The following CAT variants were observed in gnomAD, a reference collection of about 807,000 sequenced individuals.
CAT encodes catalase.
In CAT, 43 loss-of-function variants were observed where a neutral mutation model predicts 59.0. That is an observed-to-expected ratio of 0.73 (90% CI 0.57 to 0.94). The LOEUF (loss-of-function observed/expected upper bound fraction) is 0.94. Among genes scored for constraint, CAT ranks in the 40% least tolerant of loss-of-function variants. The pLI, the probability that CAT is intolerant of heterozygous loss-of-function variation, is 0.00. For synonymous variants in CAT, 218 were observed against 230.9 expected, an observed-to-expected ratio of 0.94 and a Z score of 0.51; for missense variants, 664 against 682.9, an observed-to-expected ratio of 0.97 and a Z score of 0.31.
intron 1 of CAT, among the ~76,000 whole-genome samples, chr11:34,447,961 C>T (rs1856478529): frequency 6.6e-6 from 1 of 152,202 alleles, no homozygotes; most frequent in Non-Finnish European, 1.5e-5. Flanking sequence ...TTGGCCTCTT[C>T]CTACTTGGAT....
intron 11 of CAT, among the ~76,000 whole-genome samples, chr11:34,469,254 G>T (rs1564967800): frequency 6.6e-6 from 1 of 152,184 alleles, no homozygotes; most frequent in Non-Finnish European, 1.5e-5. Context: ...CCCAGAGCCT[G>T]GGTTCCAGTA....
At chr11:34,459,944 G>C (rs1319323728) in intron 8 of CAT, among the ~76,000 whole-genome samples, 2 of 152,214 alleles carry the variant, frequency 1.3e-5, no homozygotes. Context: ...TATTTGAAAT[G>C]ATGATAAGAG....
At chr11:34,440,155 G>T (rs895913961) in intron 1 of CAT, among the ~76,000 whole-genome samples, 3 of 152,274 alleles carry the variant, frequency 2.0e-5, no homozygotes, top group Admixed American at 2.0e-4. Flanking sequence ...TCCCTATTCT[G>T]CCTAGTGCTC....
intron 1 of CAT, among the ~76,000 whole-genome samples, chr11:34,445,866 A>G (rs1856447924): frequency 6.6e-6 from 1 of 152,238 alleles, no homozygotes; most frequent in Non-Finnish European, 1.5e-5. Context: ...AACCTGTGCC[A>G]CAACACTGAC....
At chr11:34,462,740 G>A (rs1856664982) in intron 9 of CAT, among the ~76,000 whole-genome samples, 2 of 152,108 alleles carry the variant, frequency 1.3e-5, no homozygotes, top group Admixed American at 1.3e-4. Flanking sequence ...TAGAGCATTT[G>A]GGCTGTGACC....
intron 4 of CAT, 51 bp downstream of exon 4, chr11:34,452,258 A>G: frequency 1.9e-6 from 3 of 1,573,008 alleles, no homozygotes; most frequent in Non-Finnish European, 2.6e-6. Flanking sequence ...ACTTAAATTG[A>G]TTTCAAATAG....
intron 6 of CAT, among the ~76,000 whole-genome samples, chr11:34,454,661 C>T (rs971406159): frequency 6.6e-6 from 1 of 152,184 alleles, no homozygotes; most frequent in Admixed American, 6.5e-5. Flanking sequence ...ACTATCACCT[C>T]TTTTTATATT....
At chr11:34,445,495 CAAAAAAAAAAAAAAA>C (rs58169234) in intron 1 of CAT, among the ~76,000 whole-genome samples, 1 of 36,340 alleles carries the variant, frequency 2.8e-5, no homozygotes, top group African/African-American at 1.2e-4. Context: ...GACTCCATCT[CAAAAAAAAAAAAAAA>C]AAAAAAAAAA....
chr11:34,451,215 T>A, intron 3 of CAT, 117 bp downstream of exon 3: 2 of 754,212 alleles, frequency 2.7e-6, no homozygotes, highest in Non-Finnish European at 4.9e-6. Context: ...CTCCAAATTA[T>A]GTCAAGGTTT....
intron 10 of CAT, among the ~76,000 whole-genome samples, chr11:34,466,876 A>G (rs1461947171): frequency 6.6e-6 from 1 of 152,070 alleles, no homozygotes; most frequent in Non-Finnish European, 1.5e-5. Context: ...AATGGACATA[A>G]CTAGAAAATG....
intron 11 of CAT, among the ~76,000 whole-genome samples, chr11:34,469,567 G>T (rs1247929223): frequency 1.3e-5 from 2 of 152,024 alleles, no homozygotes; most frequent in Non-Finnish European, 2.9e-5. Context: ...GTAAATCACT[G>T]TAATTTGTTA....
rs1471962684 is a variant in CAT, at chr11:34,452,317, G to A, written c.480+110G>A. 5.0e-6 allele frequency: 5 copies of A among 1,003,242 alleles called. No homozygotes were observed. In the Admixed American group the frequency reaches 5.4e-5, roughly 11 times the overall value. The allele number at this position is 1,003,242 out of a possible 1,614,324, so 62.1% of individuals were successfully genotyped here. On this transcript the variant is annotated intron_variant, in intron 4 of 12. Transcript: ENST00000241052. ...GGGAAAGGCAGAAAGAAAAGAATGC[G>A]AGTTGTCTGGACTACTTTTTTCAAC...
At chr11:34,466,350 C>T (rs1374672528) in intron 10 of CAT, among the ~76,000 whole-genome samples, 1 of 152,154 alleles carries the variant, frequency 6.6e-6, no homozygotes. Flanking sequence ...GCACCTAACA[C>T]ATTAAGACCT....
intron 9 of CAT, 144 bp from the exon 10 acceptor site, chr11:34,463,961 A>G: frequency 2.4e-6 from 2 of 850,500 alleles, no homozygotes; most frequent in Non-Finnish European, 4.0e-6. Flanking sequence ...ATTAAAAATA[A>G]TATGTGTGCG....
chr11:34,462,606 A>G (rs1856663753), intron 9 of CAT, among the ~76,000 whole-genome samples: 2 of 152,090 alleles, frequency 1.3e-5, no homozygotes, highest in Admixed American at 6.5e-5. Flanking sequence ...TATTTTTAGT[A>G]GAGACAGGGT....
chr11:34,445,296 C>T (rs981325954), intron 1 of CAT, among the ~76,000 whole-genome samples: 38 of 151,894 alleles, frequency 2.5e-4, no homozygotes, highest in African/African-American at 9.2e-4. Flanking sequence ...TTGAGATCAT[C>T]AGCCTGGCCA....
intron 8 of CAT, among the ~76,000 whole-genome samples, chr11:34,458,544 C>G (rs898573884): frequency 6.6e-6 from 1 of 152,174 alleles, no homozygotes; most frequent in African/African-American, 2.4e-5. Context: ...ATCCTGGGCC[C>G]TAAAACTCCC....
intron 8 of CAT, among the ~76,000 whole-genome samples, chr11:34,458,429 C>T (rs184713507): frequency 5.3e-5 from 8 of 152,146 alleles, no homozygotes; most frequent in Admixed American, 3.9e-4. Context: ...ATAGAAAAAG[C>T]GACAACTAGG....
intron 1 of CAT, 21 bp downstream of exon 1, chr11:34,439,100 G>A: frequency 6.4e-7 from 1 of 1,570,142 alleles, no homozygotes; most frequent in Non-Finnish European, 8.6e-7. Context: ...TGCTCCCCGA[G>A]CGGGCCCGAA....
Sources: gnomAD v4.1 joint callset for allele counts (sites outside exome capture counted in the v4.1 genomes callset) on GRCh38, gnomAD v4.1.1 for gene constraint, MANE v1.5 for transcripts, NCBI Gene and HGNC (gene_info 2026-07-23, HGNC 2026-07-21) for gene names.